FLYWCH1: variants seen among roughly 807,000 people sequenced by gnomAD.
The protein encoded by FLYWCH1 is FLYWCH-type zinc finger-containing protein 1.
FLYWCH1 carries 75 observed loss-of-function variants against 66.4 expected under a neutral mutation model. The ratio of observed to expected loss-of-function variants is 1.13; its 90% CI spans 0.94 to 1.37. The LOEUF (loss-of-function observed/expected upper bound fraction) is 1.37, where lower values mean the gene tolerates loss of function less well. Ranked by LOEUF, FLYWCH1 falls within the 40% of genes most tolerant of loss-of-function variation. FLYWCH1 has a pLI of 0.00. For missense variants in FLYWCH1, 1,334 were observed against 1,001.8 expected (o/e 1.33, Z -4.48); for synonymous variants, 595 against 429.9 (o/e 1.38, Z -4.75).
Position 2,930,652 on chromosome 16 carries a change from C to G in FLYWCH1, c.568C>G (p.Leu190Val). The change falls in exon 4 of 10, where the codon CTG becomes GTG. Residue 190 changes from leucine (L) to valine (V), a missense_variant. Coordinates refer to ENST00000253928, the MANE Select transcript of FLYWCH1 (RefSeq NM_001308068.2). ...GLEARRQREK[L>V]PSLALPEGLG... ...GGAGGCCCGGCGCCAGAGGGAGAAACTGCCCAGCCTGGCCCTGCCAGAGGG... is the reference window on the plus strand; with the variant it reads ...GGAGGCCCGGCGCCAGAGGGAGAAAGTGCCCAGCCTGGCCCTGCCAGAGGG... 1 of 1,546,664 alleles carries G rather than the reference C, an allele frequency of 6.5e-7. No individual in the cohort carries two copies. The highest frequency in any genetic ancestry group is 8.7e-7 in the Non-Finnish European group (1 of 1,147,142).
At position 2,950,277 on chromosome 16, in the gene FLYWCH1, G is replaced by C. The variant is rs972799263; in HGVS notation, c.*1550G>C. 1.3e-5 allele frequency: 2 copies of C among 152,784 alleles called. No individual in the cohort carries two copies. Among genetic ancestry groups the C allele is most frequent in the African/African-American group, 4.8e-5 (2 of 41,470 alleles). 9.5% of individuals were successfully genotyped at this position (152,784 alleles called of 1,614,324 possible). ...TCGGCCCTGAAGCATCCTGCCCCGAGGCTGACCTAACTGCCCCCAGCTGGA... is the reference window on the plus strand; with the variant it reads ...TCGGCCCTGAAGCATCCTGCCCCGACGCTGACCTAACTGCCCCCAGCTGGA... On this transcript the variant is annotated 3_prime_UTR_variant, in exon 10 of 10. Transcript: ENST00000253928.
rs763291063 is a variant in FLYWCH1, at chr16:2,937,150, G to C, written c.1543G>C (p.Gly515Arg). Residue 515 changes from glycine (G) to arginine (R), a missense_variant, in exon 7 of 10, where the codon GGG (glycine) becomes CGG (arginine). Transcript: ENST00000253928. ...CCCCGAGTTCCTGAAGACGCCCCTG[G>C]GGGGCAGCTTCCTGGTGTACGAGTC... ...GGPEFLKTPLGGSFLVYESFL... is the reference protein window; with the variant it reads ...GGPEFLKTPLRGSFLVYESFL... 18 of 1,160,912 alleles carry C rather than the reference G, an allele frequency of 1.6e-5. No homozygotes were observed. The highest frequency in any genetic ancestry group is 1.8e-5 in the Non-Finnish European group (16 of 909,950). 71.9% of individuals were successfully genotyped at this position (1,160,912 alleles called of 1,614,324 possible).
At chr16:2,921,016 T>C (rs867540150) in intron 2 of FLYWCH1, among the ~76,000 whole-genome samples, 11 of 151,994 alleles carry the variant, frequency 7.2e-5, no homozygotes, top group African/African-American at 2.7e-4. Flanking sequence ...TAATTTTTTG[T>C]GTTTTTAGTA....
chr16:2,950,935 TC>T lies in FLYWCH1; in HGVS notation c.*2212del, dbSNP rs2071647188. 1 of 152,246 alleles carries T rather than the reference TC, an allele frequency of 6.6e-6. No homozygotes were observed. Among genetic ancestry groups the T allele is most frequent in the Admixed American group, 6.5e-5 (1 of 15,280 alleles). The allele number at this position is 152,246 out of a possible 1,614,324, so 9.4% of individuals were successfully genotyped here. A position where few individuals can be genotyped will look rare whatever the true frequency, so the allele number is the denominator to read the frequency against. ...AGCCACTAAGTGAGCTTCAGAGCCT[TC>T]CCCTTGCAAAGTTCCAGGGCCACCA... On this transcript the variant is annotated 3_prime_UTR_variant, in exon 10 of 10. Coordinates refer to ENST00000253928, the MANE Select transcript of FLYWCH1 (RefSeq NM_001308068.2).
intron 8 of FLYWCH1, 21 bp downstream of exon 8, chr16:2,938,477 A>G (rs780941904): frequency 1.7e-5 from 26 of 1,509,928 alleles, no homozygotes; most frequent in South Asian, 5.3e-5. Context: ...GCTGTGGGGC[A>G]GAGGCAGGGC....
At chr16:2,912,610 C>G (rs1232014018) in intron 1 of FLYWCH1, among the ~76,000 whole-genome samples, 1 of 152,172 alleles carries the variant, frequency 6.6e-6, no homozygotes, top group African/African-American at 2.4e-5. Context: ...GCCTTTTACG[C>G]GTGTACTCTG....
At chr16:2,920,881 G>A (rs1231619208) in intron 2 of FLYWCH1, among the ~76,000 whole-genome samples, 3 of 114,800 alleles carry the variant, frequency 2.6e-5, no homozygotes, top group East Asian at 2.9e-4. Flanking sequence ...TCACTCTGTC[G>A]CCCAGGCTGG....
chr16:2,930,051 G>A (rs754753340), intron 3 of FLYWCH1, 41 bp downstream of exon 3: 1 of 1,546,196 alleles, frequency 6.5e-7, no homozygotes, highest in Admixed American at 1.8e-5. Context: ...CACCCCGTGG[G>A]TTCCAGCGCT....
Position 2,938,322 on chromosome 16 carries a change from GCCGCAGCCGCGCCATAACCCAGGGCCA to G in FLYWCH1, c.1922_1948del (p.Ser641_Arg649del). 1 of 1,607,672 alleles carries G rather than the reference GCCGCAGCCGCGCCATAACCCAGGGCCA, an allele frequency of 6.2e-7. No homozygotes were observed. The highest frequency in any genetic ancestry group is 2.2e-5 in the East Asian group (1 of 44,718). ...TGCCGGGACCAGGCTCGGCTGGGCT[GCCGCAGCCGCGCCATAACCCAGGGCCA>G]CCGCATCATGGTCATGCGCAGCCAC... On this transcript the variant is annotated inframe_deletion, in exon 8 of 10. Transcript: ENST00000253928.
intron 1 of FLYWCH1, among the ~76,000 whole-genome samples, chr16:2,913,864 A>AG (rs2070074062): frequency 1.9e-5 from 2 of 103,684 alleles, no homozygotes; most frequent in African/African-American, 7.1e-5. Flanking sequence ...GCTTTAAAAA[A>AG]AAATTTTTTT....
At chr16:2,931,608 C>T (rs1417683777) in intron 4 of FLYWCH1, among the ~76,000 whole-genome samples, 3 of 151,682 alleles carry the variant, frequency 2.0e-5, no homozygotes, top group East Asian at 3.9e-4. Flanking sequence ...AGACCTGGAC[C>T]CTGTCTCAAA....
intron 4 of FLYWCH1, among the ~76,000 whole-genome samples, chr16:2,932,107 G>A (rs1482728067): frequency 9.3e-6 from 1 of 108,012 alleles, no homozygotes; most frequent in African/African-American, 4.2e-5. Flanking sequence ...AAAAGAGCAA[G>A]ACTCTGTCTC....
In FLYWCH1 at chr16:2,940,054, C is replaced by T. The variant is rs911871425; in HGVS notation, c.2073C>T (p.Cys691=). The stretch of plus-strand genomic sequence containing the variant: ...CAGAAAAGATTCAAGTTCAGCTGTG[C>T]TTCAAGACGTGTTCTCCTGAAAGCC... The part of the protein sequence containing the change: ...EDPEKIQVQL[C]FKTCSPESQQ... Residue 691 remains cysteine (C), a synonymous_variant, in exon 9 of 10, where the codon TGC becomes TGT. Transcript: ENST00000253928. The T allele has an allele frequency of 1.3e-6, 2 of 1,568,366 alleles. No homozygotes were observed. Among genetic ancestry groups the T allele is most frequent in the Admixed American group, 1.7e-5 (1 of 59,658 alleles).
chr16:2,938,419 G>A lies in FLYWCH1; in HGVS notation c.2013G>A (p.Arg671=), dbSNP rs748154417. The part of the protein sequence containing the change: ...DLAGLEALRQ[R]ERLPTTAQQE... Reference sequence around the variant, plus strand: ...CAGGCCTGGAGGCCTTGAGGCAACGGGAGCGGCTCCCCACCACGGCCCAGC... The same window carrying A: ...CAGGCCTGGAGGCCTTGAGGCAACGAGAGCGGCTCCCCACCACGGCCCAGC... The change falls in exon 8 of 10, where the codon CGG becomes CGA. Residue 671 remains arginine (R), a synonymous_variant. Coordinates refer to ENST00000253928, the MANE Select transcript of FLYWCH1 (RefSeq NM_001308068.2). The A allele has an allele frequency of 2.5e-5, 38 of 1,536,482 alleles. No individual in the cohort carries two copies. The highest frequency in any genetic ancestry group is 1.0e-4 in the Admixed American group (5 of 49,496).
Position 2,936,913 on chromosome 16 carries a change from C to G in FLYWCH1, c.1514-208C>G, listed in dbSNP as rs368805449. On this transcript the variant is annotated intron_variant, in intron 6 of 9. Transcript: ENST00000253928. ...TGGCCGCCACCTGCAGGGGCCTCAC[C>G]TGACCAGTCCCCAGCCTCAGGAGGC... The G allele has an allele frequency of 2.9e-5, 20 of 696,856 alleles. No individual in the cohort carries two copies. In the African/African-American group the frequency reaches 3.4e-4, roughly 12 times the overall value. The allele number at this position is 696,856 out of a possible 1,614,324, so 43.2% of individuals were successfully genotyped here. A position where few individuals can be genotyped will look rare whatever the true frequency, so the allele number is the denominator to read the frequency against.
At chr16:2,948,636 A>G (rs370272945) in intron 9 of FLYWCH1, 52 bp from the exon 10 acceptor site, 8 of 1,582,494 alleles carry the variant, frequency 5.1e-6, no homozygotes, top group African/African-American at 2.7e-5. Flanking sequence ...TGTGTTATCT[A>G]TTTCCACCAT....
At chr16:2,926,833 A>G (rs2150933258) in intron 2 of FLYWCH1, among the ~76,000 whole-genome samples, 1 of 152,358 alleles carries the variant, frequency 6.6e-6, no homozygotes, top group East Asian at 1.9e-4. Flanking sequence ...TGGGGCCATC[A>G]GAGTCTAAAC....
chr16:2,924,490 C>G (rs1325980017), intron 2 of FLYWCH1, among the ~76,000 whole-genome samples: 1 of 152,224 alleles, frequency 6.6e-6, no homozygotes, highest in Non-Finnish European at 1.5e-5. Flanking sequence ...TCCTTCATGT[C>G]TGCAGGCATC....
At chr16:2,925,451 C>T (rs1027300229) in intron 2 of FLYWCH1, among the ~76,000 whole-genome samples, 1 of 150,858 alleles carries the variant, frequency 6.6e-6, no homozygotes, top group Admixed American at 6.6e-5. Flanking sequence ...GCCATTCAGT[C>T]CCACTCAGTC....
Sources: allele counts gnomAD v4.1 joint callset (sites outside exome capture counted in the v4.1 genomes callset), GRCh38; gene constraint gnomAD v4.1.1; transcripts MANE v1.5; gene names NCBI Gene and HGNC (gene_info 2026-07-23, HGNC 2026-07-21).